ZZZ3: variants seen among roughly 807,000 people sequenced by gnomAD.
ZZZ3 encodes zinc finger ZZ-type containing 3.
In ZZZ3, 22 loss-of-function variants were observed where a neutral mutation model predicts 95.2. That is an observed-to-expected ratio of 0.23 (90% CI 0.17 to 0.33). The LOEUF (loss-of-function observed/expected upper bound fraction) is 0.33. ZZZ3 is among the 10% of genes least tolerant of loss of function. The pLI, the probability that ZZZ3 is intolerant of heterozygous loss-of-function variation, is 1.00. For synonymous variants in ZZZ3, 335 were observed against 358.9 expected (o/e 0.93, Z 0.75); for missense variants, 885 against 1,066.5 (o/e 0.83, Z 2.37).
In ZZZ3 at chr1:77,633,149, G is replaced by A. The variant is rs773479069; in HGVS notation, c.206C>T (p.Thr69Ile). 4.3e-6 allele frequency: 7 copies of A among 1,613,904 alleles called. No homozygotes were observed. Among genetic ancestry groups the A allele is most frequent in the Non-Finnish European group, 4.2e-6 (5 of 1,179,968 alleles). Reference sequence around the variant, plus strand: ...TCGGGTACTCTGCTGTTTTAAATCAGTGGTTCTCCCATTATTATTTCCTTT... The same window carrying A: ...TCGGGTACTCTGCTGTTTTAAATCAATGGTTCTCCCATTATTATTTCCTTT... ...IQKGNNNGRT[T>I]DLKQQSTRES... Residue 69 changes from threonine (T) to isoleucine (I), a missense_variant, in exon 5 of 15, where the codon ACT becomes ATT. By Grantham distance (89) the Thr-to-Ile change is moderately conservative. Coordinates refer to ENST00000370801, the MANE Select transcript of ZZZ3 (RefSeq NM_015534.6).
intron 5 of ZZZ3, chr1:77,614,888 C>T (rs895686083): frequency 5.3e-5 from 8 of 152,098 alleles, no homozygotes; most frequent in African/African-American, 1.4e-4. Flanking sequence ...CATACCAGCC[C>T]GAATGTGCCC....
intron 11 of ZZZ3, among the ~76,000 whole-genome samples, chr1:77,577,251 A>T (rs1166244617): frequency 6.6e-6 from 1 of 152,260 alleles, no homozygotes; most frequent in Non-Finnish European, 1.5e-5. Context: ...ACCTAAGGGA[A>T]AAAAACACAT....
intron 1 of ZZZ3, among the ~76,000 whole-genome samples, chr1:77,664,669 T>C (rs1429924999): frequency 2.6e-5 from 4 of 152,214 alleles, no homozygotes; most frequent in Admixed American, 6.5e-5. Context: ...TAGTTATCCT[T>C]GCCAGCTAAA....
chr1:77,627,890 A>T (rs991785088), intron 5 of ZZZ3, among the ~76,000 whole-genome samples: 1 of 152,242 alleles, frequency 6.6e-6, no homozygotes, highest in Non-Finnish European at 1.5e-5. Context: ...TTAAATGAAG[A>T]TACCCAAGGT....
At chr1:77,647,581 A>C (rs1438372406) in intron 1 of ZZZ3, among the ~76,000 whole-genome samples, 4 of 152,104 alleles carry the variant, frequency 2.6e-5, no homozygotes, top group Non-Finnish European at 5.9e-5. Flanking sequence ...CAAAAACAGT[A>C]ATATAAAATA....
intron 1 of ZZZ3, among the ~76,000 whole-genome samples, chr1:77,669,050 G>A (rs904724882): frequency 4.0e-5 from 6 of 150,146 alleles, no homozygotes; most frequent in Middle Eastern, 3.5e-3. Flanking sequence ...GATATCCTAA[G>A]TCAGCACACT....
chr1:77,634,722 G>A (rs1290624421), intron 4 of ZZZ3, among the ~76,000 whole-genome samples: 2 of 152,098 alleles, frequency 1.3e-5, no homozygotes, highest in Non-Finnish European at 2.9e-5. Context: ...TGACAGAAAT[G>A]TAAGGGATAT....
chr1:77,662,739 C>T (rs1038616362), intron 1 of ZZZ3, among the ~76,000 whole-genome samples: 6 of 151,966 alleles, frequency 3.9e-5, no homozygotes, highest in Non-Finnish European at 7.4e-5. Context: ...TACAGTGAGC[C>T]GAATTCATGC....
At chr1:77,638,456 T>C (rs564888497) in intron 4 of ZZZ3, among the ~76,000 whole-genome samples, 1 of 152,274 alleles carries the variant, frequency 6.6e-6, no homozygotes, top group Non-Finnish European at 1.5e-5. Flanking sequence ...CAGATAATAA[T>C]TATTAAACAA....
At chr1:77,621,663 A>G (rs1407574618) in intron 5 of ZZZ3, among the ~76,000 whole-genome samples, 1 of 151,144 alleles carries the variant, frequency 6.6e-6, no homozygotes, top group Non-Finnish European at 1.5e-5. Flanking sequence ...AAGAAAATAT[A>G]AAAATTAGCC....
chr1:77,678,413 A>T (rs1364904257), intron 1 of ZZZ3, among the ~76,000 whole-genome samples: 1 of 152,158 alleles, frequency 6.6e-6, no homozygotes, highest in Non-Finnish European at 1.5e-5. Context: ...GAAACTTAAC[A>T]TTTAATTAAC....
At chr1:77,624,800 G>A (rs1667192481) in intron 5 of ZZZ3, among the ~76,000 whole-genome samples, 1 of 152,148 alleles carries the variant, frequency 6.6e-6, no homozygotes, top group Non-Finnish European at 1.5e-5. Flanking sequence ...GGTAACCTGA[G>A]GACCTACCAT....
intron 1 of ZZZ3, among the ~76,000 whole-genome samples, chr1:77,682,335 C>T (rs1197411262): frequency 6.6e-6 from 1 of 152,220 alleles, no homozygotes; most frequent in Non-Finnish European, 1.5e-5. Context: ...ATGGAATCAT[C>T]AGGTCTGCGC....
intron 5 of ZZZ3, among the ~76,000 whole-genome samples, chr1:77,597,146 C>CA (rs1334540227): frequency 2.0e-5 from 3 of 151,716 alleles, no homozygotes; most frequent in Non-Finnish European, 2.9e-5. Context: ...CAAAAAACAA[C>CA]AAAAAAAGAC....
chr1:77,577,908 C>T (rs1662127010), intron 11 of ZZZ3, among the ~76,000 whole-genome samples: 2 of 152,200 alleles, frequency 1.3e-5, no homozygotes, highest in Admixed American at 6.5e-5. Context: ...CGTGAGCCAC[C>T]GTGCCCGGCC....
intron 5 of ZZZ3, among the ~76,000 whole-genome samples, chr1:77,596,758 TTAAA>T (rs1451049771): frequency 2.0e-5 from 3 of 152,042 alleles, no homozygotes; most frequent in Admixed American, 6.6e-5. Flanking sequence ...TATAATGAAA[TTAAA>T]TAATTAAATA....
intron 1 of ZZZ3, among the ~76,000 whole-genome samples, chr1:77,651,514 G>A (rs1022249776): frequency 2.6e-5 from 4 of 152,140 alleles, no homozygotes; most frequent in Non-Finnish European, 1.5e-5. Context: ...CAATTACTAC[G>A]TGAGTTTATC....
At chr1:77,626,572 G>T (rs1001289601) in intron 5 of ZZZ3, among the ~76,000 whole-genome samples, 4 of 152,120 alleles carry the variant, frequency 2.6e-5, no homozygotes, top group African/African-American at 9.7e-5. Context: ...CTGTTGATCT[G>T]ACAGGAGGTG....
At chr1:77,675,476 A>C (rs1672170219) in intron 1 of ZZZ3, among the ~76,000 whole-genome samples, 1 of 152,224 alleles carries the variant, frequency 6.6e-6, no homozygotes, top group African/African-American at 2.4e-5. Context: ...AGTAGGAAAA[A>C]AAGGTGTTAA....
Sources: gnomAD v4.1 joint callset for allele counts (sites outside exome capture counted in the v4.1 genomes callset) on GRCh38, gnomAD v4.1.1 for gene constraint, MANE v1.5 for transcripts, NCBI Gene and HGNC (gene_info 2026-07-23, HGNC 2026-07-21) for gene names.